LTBP2: variants seen among roughly 807,000 people sequenced by gnomAD.
LTBP2 encodes the protein latent transforming growth factor beta binding protein 2, also known as latent-transforming growth factor beta-binding protein 2.
LTBP2 carries 103 observed loss-of-function variants against 210.6 expected under a neutral mutation model. The ratio of observed to expected loss-of-function variants is 0.49; its 90% CI spans 0.42 to 0.58. The LOEUF (loss-of-function observed/expected upper bound fraction) is 0.58. LTBP2 is among the 20% of genes least tolerant of loss of function. The probability of loss-of-function intolerance (pLI) is 0.00; values close to 1 mark genes in which losing one functional copy is unlikely to be tolerated. For synonymous variants in LTBP2, 1,007 were observed against 1,015.0 expected (o/e 0.99, Z 0.15); for missense variants, 2,313 against 2,494.5 (o/e 0.93, Z 1.55).
At chr14:74,527,497 C>T (rs969779736) in intron 12 of LTBP2, 131 bp from the exon 13 acceptor site, 26 of 986,228 alleles carry the variant, frequency 2.6e-5, no homozygotes, top group Non-Finnish European at 3.6e-5. Context: ...GCACAGAAAG[C>T]GTGGACTCTT....
intron 6 of LTBP2, 115 bp from the exon 7 acceptor site, chr14:74,551,465 C>A: frequency 1.0e-6 from 1 of 987,730 alleles, no homozygotes; most frequent in Non-Finnish European, 1.5e-6. Context: ...ATGTGTCACC[C>A]CAAAACTCTC....
intron 3 of LTBP2, among the ~76,000 whole-genome samples, chr14:74,560,338 A>AC (rs1316865868): frequency 6.6e-6 from 1 of 152,176 alleles, no homozygotes; most frequent in Non-Finnish European, 1.5e-5. Flanking sequence ...ACAGGCCAGC[A>AC]CAGAGCCAAG....
chr14:74,502,993 C>A (rs2086931177), intron 33 of LTBP2, 59 bp from the exon 34 acceptor site: 1 of 1,598,014 alleles, frequency 6.3e-7, no homozygotes, highest in African/African-American at 1.3e-5. Context: ...TAAAGCCTGG[C>A]TGGCTTTGTC....
intron 6 of LTBP2, 68 bp downstream of exon 6, chr14:74,552,119 T>C (rs2087665787): frequency 4.9e-6 from 7 of 1,431,234 alleles, no homozygotes; most frequent in South Asian, 4.9e-5. Flanking sequence ...GTCACAGCCA[T>C]GGTGACAGCC....
At chr14:74,505,989 G>A (rs990595506) in intron 28 of LTBP2, 59 bp downstream of exon 28, 1 of 1,606,914 alleles carries the variant, frequency 6.2e-7, no homozygotes, top group Admixed American at 1.7e-5. Context: ...GGGATGCAGA[G>A]GGACACGCTC....
rs2087014538 is a variant in LTBP2, at chr14:74,508,087, C to T, written c.3661G>A (p.Glu1221Lys). 6.8e-6 allele frequency: 11 copies of T among 1,613,784 alleles called. No individual in the cohort carries two copies. Among genetic ancestry groups the T allele is most frequent in the South Asian group, 4.4e-5 (4 of 91,062 alleles). The change falls in exon 25 of 36, where the codon GAG becomes AAG. Residue 1221 changes from glutamate to lysine, a missense_variant. Transcript: ENST00000261978. Reference protein sequence around the residue: ...EGGTSCQDVDECATTDPCVGG... With the variant: ...EGGTSCQDVDKCATTDPCVGG... ...ACACACGGGTCTGTGGTGGCACACT[C>T]GTCCACATCTAGAGTAGAGATGGCT... is the stretch of plus-strand genomic sequence containing the variant.
intron 2 of LTBP2, among the ~76,000 whole-genome samples, chr14:74,591,378 A>T (rs974112820): frequency 1.3e-5 from 2 of 152,202 alleles, no homozygotes; most frequent in African/African-American, 4.8e-5. Context: ...TTAGTATATA[A>T]TAGCCTAGTA....
chr14:74,523,630 C>T (rs977272987), intron 15 of LTBP2, among the ~76,000 whole-genome samples: 3 of 152,088 alleles, frequency 2.0e-5, no homozygotes, highest in Admixed American at 6.5e-5. Context: ...CACTGGGACT[C>T]GGGGTTGAGG....
At chr14:74,599,625 C>T (rs1181259668) in intron 2 of LTBP2, among the ~76,000 whole-genome samples, 1 of 152,238 alleles carries the variant, frequency 6.6e-6, no homozygotes, top group Non-Finnish European at 1.5e-5. Flanking sequence ...AGGCAGATAC[C>T]AAGACTGGAG....
At position 74,503,549 on chromosome 14, in the gene LTBP2, C is replaced by T. The variant is rs1401809331; in HGVS notation, c.4640G>A (p.Gly1547Asp). Reference sequence around the variant, plus strand: ...GGGGCTGCAGAAGCAGTGGAAGGAGCCCTCCGTGTTGACGCACTCGCCATT... The same window carrying T: ...GGGGCTGCAGAAGCAGTGGAAGGAGTCCTCCGTGTTGACGCACTCGCCATT... ...CENGECVNTE[G>D]SFHCFCSPPL... Residue 1547 changes from glycine to aspartate, a missense_variant, in exon 32 of 36, where the codon GGC (glycine) becomes GAC (aspartate). This residue lies in a region of LTBP2 where 443 missense variants were observed against 501.4 expected (regional missense o/e 0.88). Transcript: ENST00000261978. 1.2e-6 allele frequency: 2 copies of T among 1,613,662 alleles called. No homozygotes were observed. Among genetic ancestry groups the T allele is most frequent in the Admixed American group, 1.7e-5 (1 of 59,980 alleles).
chr14:74,546,173 G>T (rs2087572903), intron 8 of LTBP2, among the ~76,000 whole-genome samples: 1 of 152,050 alleles, frequency 6.6e-6, no homozygotes, highest in Admixed American at 6.6e-5. Context: ...GATGACAAAG[G>T]CTTCCCCCAG....
At chr14:74,611,355 A>C in intron 1 of LTBP2, 96 bp downstream of exon 1, 1 of 1,313,786 alleles carries the variant, frequency 7.6e-7, no homozygotes, top group Non-Finnish European at 9.9e-7. Flanking sequence ...GGACGAGGGT[A>C]TGAGAGCGGC....
chr14:74,607,100 A>T lies in LTBP2; in HGVS notation c.495-3395T>A, dbSNP rs79753243. Among the ~76,000 whole-genome samples the T allele has an allele frequency of 2.7e-3, 414 of 152,366 alleles. 1 individual carries two copies. The highest frequency in any genetic ancestry group is 9.3e-3 in the African/African-American group (386 of 41,588). ...AGTTTCACAAAAAGTGGGATGAGCC[A>T]CTGAGGGTAGGAAAGGCATTTTAAG... is the stretch of plus-strand genomic sequence containing the variant. On this transcript the variant is annotated intron_variant, in intron 1 of 35. Coordinates refer to ENST00000261978, the MANE Select transcript of LTBP2 (RefSeq NM_000428.3).
At chr14:74,520,058 C>T (rs1434639207) in intron 17 of LTBP2, among the ~76,000 whole-genome samples, 1 of 152,194 alleles carries the variant, frequency 6.6e-6, no homozygotes, top group Non-Finnish European at 1.5e-5. Flanking sequence ...TGTCCAAGCG[C>T]TTCAGCCTGG....
intron 27 of LTBP2, 51 bp from the exon 28 acceptor site, chr14:74,506,242 C>A: frequency 6.2e-7 from 1 of 1,613,022 alleles, no homozygotes; most frequent in Non-Finnish European, 8.5e-7. Flanking sequence ...AGCCCGTGCC[C>A]CCTGCCCCTG....
intron 30 of LTBP2, 35 bp downstream of exon 30, chr14:74,504,743 T>A (rs2086959682): frequency 3.7e-6 from 6 of 1,605,044 alleles, no homozygotes; most frequent in Non-Finnish European, 4.3e-6. Flanking sequence ...CCCACTCAGG[T>A]GAAGGAGTTT....
intron 8 of LTBP2, among the ~76,000 whole-genome samples, chr14:74,545,432 G>A (rs1436060770): frequency 6.6e-6 from 1 of 152,216 alleles, no homozygotes; most frequent in Non-Finnish European, 1.5e-5. Context: ...TCCTTGAAAG[G>A]GCAGAGCAAG....
chr14:74,564,321 ATATATATATTTATATATATATATT>A (rs2087866926), intron 3 of LTBP2, among the ~76,000 whole-genome samples: 1 of 11,448 alleles, frequency 8.7e-5, no homozygotes, highest in Non-Finnish European at 1.4e-4. Context: ...ATATATATTT[ATATATATATTTATATATATATATT>A]TATATATATT....
chr14:74,552,785 G>C (rs1186704301), intron 5 of LTBP2, 107 bp downstream of exon 5: 1 of 1,408,246 alleles, frequency 7.1e-7, no homozygotes, highest in Non-Finnish European at 9.7e-7. Context: ...ACAACTTGTG[G>C]AGCCACAGTT....
Sources: gnomAD v4.1 joint callset for allele counts (sites outside exome capture counted in the v4.1 genomes callset) on GRCh38, gnomAD v4.1.1 for gene constraint, gnomAD v4.1.1 regional missense constraint, MANE v1.5 for transcripts, NCBI Gene and HGNC (gene_info 2026-07-23, HGNC 2026-07-21) for gene names.